CHCHD6: variants seen among roughly 807,000 people sequenced by gnomAD.
CHCHD6 encodes the protein MICOS complex subunit MIC25.
Under a neutral mutation model 32.3 loss-of-function variants are expected in CHCHD6, and 28 were observed. That is an observed-to-expected ratio of 0.87 (90% CI 0.64 to 1.19). CHCHD6 has a LOEUF of 1.19. Ranked by LOEUF, CHCHD6 falls within the 50% of genes most tolerant of loss-of-function variation. CHCHD6 has a pLI of 0.00. For synonymous variants in CHCHD6, 122 were observed against 117.5 expected (o/e 1.04, Z -0.25); for missense variants, 333 against 307.0 (o/e 1.08, Z -0.63).
chr3:126,769,625 C>T lies in CHCHD6; in HGVS notation c.411+36403C>T, dbSNP rs1576394131. ...TCAAATGATTCTCCTGCCTCAGTCT[C>T]CCGAGTAGCTGGGATTACAGACCTG... On this transcript the variant is annotated intron_variant, in intron 4 of 7. Transcript: ENST00000290913. Among the ~76,000 whole-genome samples the T allele has an allele frequency of 3.3e-5, 5 of 152,254 alleles. No individual in the cohort carries two copies. In the South Asian group the frequency reaches 1.0e-3, roughly 32 times the overall value.
chr3:126,812,342 A>G (rs1452109604), intron 4 of CHCHD6, among the ~76,000 whole-genome samples: 2 of 122,292 alleles, frequency 1.6e-5, no homozygotes, highest in East Asian at 2.3e-4. Flanking sequence ...GCATGATGTT[A>G]TCAATCTCAT....
intron 6 of CHCHD6, among the ~76,000 whole-genome samples, chr3:126,917,504 C>T (rs2078188902): frequency 6.6e-6 from 1 of 152,204 alleles, no homozygotes; most frequent in Non-Finnish European, 1.5e-5. Flanking sequence ...TTCACTTCTA[C>T]AGGCCTCCGT....
chr3:126,842,262 C>T (rs1346685175), intron 4 of CHCHD6, among the ~76,000 whole-genome samples: 1 of 152,126 alleles, frequency 6.6e-6, no homozygotes, highest in Non-Finnish European at 1.5e-5. Context: ...AACTGTTTAA[C>T]CCTGGGCCCA....
chr3:126,945,551 G>A (rs2078624014), intron 6 of CHCHD6, among the ~76,000 whole-genome samples: 1 of 147,336 alleles, frequency 6.8e-6, no homozygotes, highest in African/African-American at 2.5e-5. Flanking sequence ...ACTCGGGACG[G>A]GGAGACTCAG....
At chr3:126,831,219 G>A (rs978398634) in intron 4 of CHCHD6, among the ~76,000 whole-genome samples, 2 of 152,034 alleles carry the variant, frequency 1.3e-5, no homozygotes, top group Non-Finnish European at 2.9e-5. Flanking sequence ...TAGAGACAGG[G>A]TTTCACTGTG....
At chr3:126,908,828 C>G (rs150159462) in intron 5 of CHCHD6, among the ~76,000 whole-genome samples, 1 of 152,360 alleles carries the variant, frequency 6.6e-6, no homozygotes, top group African/African-American at 2.4e-5. Context: ...TCCCACAAAA[C>G]TGCAGAAAGG....
intron 1 of CHCHD6, among the ~76,000 whole-genome samples, chr3:126,711,731 C>T (rs1357399489): frequency 6.6e-6 from 1 of 152,238 alleles, no homozygotes; most frequent in Non-Finnish European, 1.5e-5. Context: ...TGGTCTTCCA[C>T]AGCTGTAAAG....
At chr3:126,729,060 G>C (rs973574857) in intron 2 of CHCHD6, among the ~76,000 whole-genome samples, 1 of 152,134 alleles carries the variant, frequency 6.6e-6, no homozygotes, top group African/African-American at 2.4e-5. Flanking sequence ...AGATTGAAAT[G>C]TATGGCTTGA....
chr3:126,768,376 G>A (rs1320430007), intron 4 of CHCHD6, among the ~76,000 whole-genome samples: 2 of 152,122 alleles, frequency 1.3e-5, no homozygotes, highest in East Asian at 3.8e-4. Flanking sequence ...AAGCCACTAT[G>A]CTTCCTGTAC....
At chr3:126,950,428 A>G (rs948917390) in intron 6 of CHCHD6, among the ~76,000 whole-genome samples, 7 of 152,234 alleles carry the variant, frequency 4.6e-5, no homozygotes, top group Non-Finnish European at 1.0e-4. Flanking sequence ...GAAAATTGTC[A>G]TGGATGGAAG....
chr3:126,852,948 G>A (rs897200651), intron 5 of CHCHD6, among the ~76,000 whole-genome samples: 4 of 152,086 alleles, frequency 2.6e-5, no homozygotes, highest in Non-Finnish European at 4.4e-5. Context: ...GTTTTTAATT[G>A]TCTCCCCCTG....
intron 5 of CHCHD6, among the ~76,000 whole-genome samples, chr3:126,886,185 C>T: frequency 6.6e-6 from 1 of 152,214 alleles, no homozygotes; most frequent in East Asian, 1.9e-4. Context: ...GAGATAGAAG[C>T]TCCTTTAATA....
intron 4 of CHCHD6, among the ~76,000 whole-genome samples, chr3:126,759,888 G>A (rs578042306): frequency 2.2e-4 from 34 of 152,322 alleles, no homozygotes; most frequent in Non-Finnish European, 4.3e-4. Context: ...AGGCTGTACA[G>A]GAAGCATGGC....
intron 4 of CHCHD6, among the ~76,000 whole-genome samples, chr3:126,759,813 C>T (rs1937096729): frequency 6.6e-6 from 1 of 152,162 alleles, no homozygotes; most frequent in South Asian, 2.1e-4. Flanking sequence ...TCTTGCATTA[C>T]TGTGAAGAAA....
chr3:126,863,980 T>G (rs1942115505), intron 5 of CHCHD6, among the ~76,000 whole-genome samples: 1 of 137,964 alleles, frequency 7.2e-6, no homozygotes, highest in Non-Finnish European at 1.6e-5. Context: ...CACCTCCTCC[T>G]CCTCCACCAT....
intron 5 of CHCHD6, among the ~76,000 whole-genome samples, chr3:126,896,941 T>A (rs1346905944): frequency 6.6e-6 from 1 of 152,182 alleles, no homozygotes; most frequent in Non-Finnish European, 1.5e-5. Flanking sequence ...TGTCCCATCC[T>A]TTCAGTTTGA....
intron 4 of CHCHD6, among the ~76,000 whole-genome samples, chr3:126,806,840 C>T (rs1231491395): frequency 6.6e-6 from 1 of 151,896 alleles, no homozygotes; most frequent in Non-Finnish European, 1.5e-5. Flanking sequence ...AAATGTGGCA[C>T]ATATACACCA....
At chr3:126,885,909 C>T (rs567753179) in intron 5 of CHCHD6, among the ~76,000 whole-genome samples, 1 of 152,226 alleles carries the variant, frequency 6.6e-6, no homozygotes, top group East Asian at 1.9e-4. Flanking sequence ...ACAGAATTCC[C>T]AGGATGAGAA....
At chr3:126,716,849 C>T (rs1173774711) in intron 1 of CHCHD6, among the ~76,000 whole-genome samples, 8 of 152,074 alleles carry the variant, frequency 5.3e-5, no homozygotes, top group East Asian at 1.9e-4. Context: ...ACAGGGGAGT[C>T]GGGGAAATGC....
Sources: gnomAD v4.1 joint callset for allele counts (sites outside exome capture counted in the v4.1 genomes callset) on GRCh38, gnomAD v4.1.1 for gene constraint, MANE v1.5 for transcripts, NCBI Gene and HGNC (gene_info 2026-07-23, HGNC 2026-07-21) for gene names.